The following ASIP variants were observed in gnomAD, a reference collection of about 807,000 sequenced individuals.
The protein encoded by ASIP is agouti signaling protein.
Under a neutral mutation model 10.3 loss-of-function variants are expected in ASIP, and 11 were observed. That is an observed-to-expected ratio of 1.07 (90% confidence interval 0.68 to 1.78). The LOEUF (loss-of-function observed/expected upper bound fraction) is 1.78, where lower values mean the gene tolerates loss of function less well. ASIP is among the 40% of genes most tolerant of loss of function. The probability of loss-of-function intolerance (pLI) is 0.00; values close to 1 mark genes in which losing one functional copy is unlikely to be tolerated. For synonymous variants in ASIP, 70 were observed against 70.8 expected (o/e 0.99, Z 0.06); for missense variants, 180 against 169.2 (o/e 1.06, Z -0.35).
At chr20:34,226,009 T>G (rs2035090552) in intron 1 of ASIP, among the ~76,000 whole-genome samples, 1 of 152,064 alleles carries the variant, frequency 6.6e-6, no homozygotes, top group Non-Finnish European at 1.5e-5. Flanking sequence ...TTCTCCTGCC[T>G]CAGCCTCCTG....
At chr20:34,219,967 G>A (rs1389870722) in intron 1 of ASIP, among the ~76,000 whole-genome samples, 1 of 152,172 alleles carries the variant, frequency 6.6e-6, no homozygotes. Flanking sequence ...GTGGGTGCCT[G>A]TAGTCCCAGC....
chr20:34,248,750 T>C lies in ASIP; in HGVS notation c.-11+7261T>C, dbSNP rs2035422432. Among the ~76,000 whole-genome samples the C allele has an allele frequency of 2.0e-5, 3 of 151,792 alleles. No individual in the cohort carries two copies. The South Asian group carries it at 6.3e-4, about 32-fold the overall frequency. ...AGGAGGTCAAGGCTGCAGTGAGCTATGGTCTTGCCATTGCCTTCCAGCCTG... is the reference window on the plus strand; with the variant it reads ...AGGAGGTCAAGGCTGCAGTGAGCTACGGTCTTGCCATTGCCTTCCAGCCTG... On this transcript the variant is annotated intron_variant, in intron 1 of 3. Transcript: ENST00000374954.
At chr20:34,246,314 T>C in intron 1 of ASIP, 2 of 1,550,328 alleles carry the variant, frequency 1.3e-6, no homozygotes, top group Non-Finnish European at 1.7e-6. Flanking sequence ...AATTCCAGCT[T>C]CTTGTTTGGG....
chr20:34,247,894 G>A (rs2035406835), intron 1 of ASIP, among the ~76,000 whole-genome samples: 1 of 152,108 alleles, frequency 6.6e-6, no homozygotes, highest in Admixed American at 6.5e-5. Flanking sequence ...ATGGTGCCCT[G>A]TCTTGTATGA....
At chr20:34,256,929 T>C (rs1030319043) in intron 1 of ASIP, among the ~76,000 whole-genome samples, 16 of 152,128 alleles carry the variant, frequency 1.1e-4, no homozygotes, top group Non-Finnish European at 1.9e-4. Flanking sequence ...CACAGTCTTG[T>C]GCCGCCACTC....
intron 1 of ASIP, among the ~76,000 whole-genome samples, chr20:34,217,125 C>T (rs1174910330): frequency 6.6e-6 from 1 of 152,040 alleles, no homozygotes; most frequent in East Asian, 1.9e-4. Context: ...TAGAGTGGAG[C>T]CCTTCATGGT....
chr20:34,215,541 G>C lies in ASIP; in HGVS notation c.-11+20781G>C. On this transcript the variant is annotated intron_variant, in intron 1 of 3. Transcript: ENST00000568305. The stretch of plus-strand genomic sequence containing the variant: ...AAAAAAAACTTGGGCCACTTAGTGA[G>C]ATATTCTGCAACAAAAAGCAAGGCG... 8 of 1,512,718 alleles carry C rather than the reference G, an allele frequency of 5.3e-6. No individual in the cohort carries two copies. The Middle Eastern group carries it at 1.2e-3, about 225-fold the overall frequency. 93.7% of individuals were successfully genotyped at this position (1,512,718 alleles called of 1,614,324 possible). A position where few individuals can be genotyped will look rare whatever the true frequency, so the allele number is the denominator to read the frequency against.
At chr20:34,263,561 A>G (rs971434242) in intron 3 of ASIP, among the ~76,000 whole-genome samples, 5 of 152,222 alleles carry the variant, frequency 3.3e-5, no homozygotes, top group African/African-American at 1.2e-4. Context: ...CTCTGTCTCA[A>G]AACAACAACA....
At chr20:34,258,800 AAT>A (rs1486806402) in intron 1 of ASIP, among the ~76,000 whole-genome samples, 10 of 118,042 alleles carry the variant, frequency 8.5e-5, no homozygotes, top group Admixed American at 4.5e-4. Context: ...GTGTATATAT[AAT>A]ATATGATATA....
At chr20:34,235,812 A>G (rs1275307642) in intron 1 of ASIP, among the ~76,000 whole-genome samples, 1 of 59,608 alleles carries the variant, frequency 1.7e-5, no homozygotes, top group Non-Finnish European at 2.6e-5. Flanking sequence ...AAAGAAAGAA[A>G]GAAAGAAAGA....
intron 1 of ASIP, among the ~76,000 whole-genome samples, chr20:34,223,139 T>C (rs1406317181): frequency 1.3e-5 from 2 of 149,928 alleles, no homozygotes; most frequent in African/African-American, 5.0e-5. Flanking sequence ...GTCTGGAAAG[T>C]GAGGAGCGTC....
intron 1 of ASIP, chr20:34,213,849 T>G (rs941082806): frequency 6.5e-7 from 1 of 1,542,738 alleles, no homozygotes; most frequent in Non-Finnish European, 9.0e-7. Flanking sequence ...AGCCACACTG[T>G]TTCACAGTCT....
chr20:34,262,459 G>A (rs954192697), intron 2 of ASIP, among the ~76,000 whole-genome samples: 3 of 152,094 alleles, frequency 2.0e-5, no homozygotes, highest in Admixed American at 1.3e-4. Flanking sequence ...CCATTTTCTG[G>A]GTATCACAAT....
chr20:34,268,261 G>T (rs2035822107), intron 3 of ASIP, among the ~76,000 whole-genome samples: 1 of 152,110 alleles, frequency 6.6e-6, no homozygotes, highest in South Asian at 2.1e-4. Context: ...AGCAAGCTGT[G>T]GCAGCAGTGT....
In ASIP at chr20:34,202,909, C is replaced by T. The variant is rs562325661; in HGVS notation, c.-11+8149C>T. ...CTGCAAGCTCCGCCTCCCAGGTTCA[C>T]GCCATTCTCCTGCCTCAGCCTCCCG... On this transcript the variant is annotated intron_variant, in intron 1 of 3. Coordinates refer to the ASIP transcript ENST00000568305. Among the ~76,000 whole-genome samples the T allele has an allele frequency of 2.7e-5, 4 of 149,550 alleles. No individual in the cohort carries two copies. In the South Asian group the frequency reaches 6.4e-4, roughly 24 times the overall value.
chr20:34,215,355 G>A, intron 1 of ASIP: 1 of 1,573,262 alleles, frequency 6.4e-7, no homozygotes, highest in Non-Finnish European at 8.7e-7. Context: ...GATTTGGAAT[G>A]CACTGTTCCC....
upstream of ASIP, among the ~76,000 whole-genome samples, chr20:34,239,837 C>T (rs2035261220): frequency 6.6e-6 from 1 of 152,216 alleles, no homozygotes; most frequent in African/African-American, 2.4e-5. Context: ...GCACCCATCA[C>T]CACGAAAACA....
At chr20:34,248,906 A>T (rs200867555) in intron 1 of ASIP, among the ~76,000 whole-genome samples, 2 of 151,768 alleles carry the variant, frequency 1.3e-5, no homozygotes, top group East Asian at 3.9e-4. Context: ...AGAACTTAAA[A>T]ATCTAATAAT....
intron 1 of ASIP, chr20:34,213,588 CG>C (rs1373250511): frequency 1.4e-5 from 22 of 1,555,538 alleles, no homozygotes; most frequent in Non-Finnish European, 2.6e-6. Flanking sequence ...GTTGTAAAAA[CG>C]GGGATACTTG....
Sources: allele counts gnomAD v4.1 joint callset (sites outside exome capture counted in the v4.1 genomes callset), GRCh38; gene constraint gnomAD v4.1.1; transcripts MANE v1.5; gene names NCBI Gene and HGNC (gene_info 2026-07-23, HGNC 2026-07-21).